Variants in UACA observed in about 807,000 individuals in gnomAD.
The protein encoded by UACA is nuclear membrane binding protein.
In UACA, 112 loss-of-function variants were observed where a neutral mutation model predicts 160.5. That is an observed-to-expected ratio of 0.70 (90% CI 0.60 to 0.82). The LOEUF (loss-of-function observed/expected upper bound fraction) is 0.82, where lower values mean the gene tolerates loss of function less well. UACA is among the 40% of genes least tolerant of loss of function. The pLI is 0.00. For synonymous variants in UACA, 557 were observed against 568.4 expected (o/e 0.98, Z 0.29); for missense variants, 1,574 against 1,614.6 (o/e 0.97, Z 0.43).
At chr15:70,676,967 A>G in intron 12 of UACA, 141 bp downstream of exon 12, 1 of 633,232 alleles carries the variant, frequency 1.6e-6, no homozygotes, top group Non-Finnish European at 2.7e-6. Flanking sequence ...TTTTTTAGTC[A>G]TCTATAGATT....
upstream of UACA, among the ~76,000 whole-genome samples, chr15:70,764,537 C>G (rs1040470838): frequency 1.1e-4 from 16 of 152,172 alleles, no homozygotes; most frequent in African/African-American, 3.9e-4. Flanking sequence ...TTTGAAAAGA[C>G]AAACGGTCCA....
At chr15:70,719,700 A>G (rs1354792428) in intron 1 of UACA, among the ~76,000 whole-genome samples, 1 of 152,202 alleles carries the variant, frequency 6.6e-6, no homozygotes, top group Admixed American at 6.5e-5. Context: ...TCCCTGACCA[A>G]GAAGAGCATA....
intron 1 of UACA, among the ~76,000 whole-genome samples, chr15:70,735,211 G>A (rs936643068): frequency 1.4e-5 from 2 of 145,294 alleles, no homozygotes; most frequent in African/African-American, 5.0e-5. Flanking sequence ...ACAGAGGGAT[G>A]GGGGGAAGGG....
At chr15:70,737,791 T>G (rs1166473800) in intron 1 of UACA, among the ~76,000 whole-genome samples, 1 of 152,232 alleles carries the variant, frequency 6.6e-6, no homozygotes, top group African/African-American at 2.4e-5. Flanking sequence ...TTGCTATATA[T>G]TAGACATTTG....
intron 12 of UACA, 25 bp from the exon 13 acceptor site, chr15:70,676,616 G>A (rs751960452): frequency 1.3e-6 from 2 of 1,567,784 alleles, no homozygotes; most frequent in Non-Finnish European, 1.8e-6. Context: ...AATAAATACA[G>A]TAAAATCACC....
chr15:70,778,088 C>T, the UACA span, among the ~76,000 whole-genome samples: 1 of 152,070 alleles, frequency 6.6e-6, no homozygotes. Flanking sequence ...ATAGTCCCAG[C>T]TACCCAGGAG....
chr15:70,698,382 T>C lies in UACA; in HGVS notation c.212+1145A>G, dbSNP rs548987012. ...AGAAACATGAAGAACAATATCACTT[T>C]TGGATATTAAATTTTCACAATTTAT... On this transcript the variant is annotated intron_variant, in intron 2 of 18. Coordinates refer to ENST00000322954, the MANE Select transcript of UACA (RefSeq NM_018003.4). 2.6e-5 allele frequency among the ~76,000 whole-genome samples: 4 copies of C among 152,326 alleles called. No individual in the cohort carries two copies. The East Asian group carries it at 5.8e-4, about 22-fold the overall frequency.
At chr15:70,764,035 G>C (rs1397691661), upstream of UACA, among the ~76,000 whole-genome samples, 1 of 152,180 alleles carries the variant, frequency 6.6e-6, no homozygotes, top group Middle Eastern at 3.2e-3. Flanking sequence ...ACCACCACAC[G>C]CATCAAAAAT....
At chr15:70,751,196 C>A (rs1223917530) in intron 1 of UACA, among the ~76,000 whole-genome samples, 1 of 152,168 alleles carries the variant, frequency 6.6e-6, no homozygotes, top group African/African-American at 2.4e-5. Context: ...GGAGCTCCCC[C>A]ACAAAACTAT....
intron 1 of UACA, among the ~76,000 whole-genome samples, chr15:70,730,009 G>A (rs1473879494): frequency 4.3e-4 from 34 of 78,308 alleles, no homozygotes; most frequent in African/African-American, 2.3e-3. Context: ...CATCATCAAA[G>A]ACCAAAAGTA....
the UACA span, among the ~76,000 whole-genome samples, chr15:70,770,114 A>G: frequency 2.0e-5 from 3 of 152,384 alleles, no homozygotes; most frequent in Non-Finnish European, 4.4e-5. Flanking sequence ...TTGATTACCA[A>G]AAGAACCATT....
chr15:70,759,106 C>T (rs1177369106), intron 1 of UACA, among the ~76,000 whole-genome samples: 1 of 152,122 alleles, frequency 6.6e-6, no homozygotes, highest in Non-Finnish European at 1.5e-5. Flanking sequence ...AACTCCTGGG[C>T]TCAAGCAATC....
chr15:70,658,299 G>A (rs1896556813), intron 18 of UACA, among the ~76,000 whole-genome samples: 1 of 151,956 alleles, frequency 6.6e-6, no homozygotes, highest in African/African-American at 2.4e-5. Flanking sequence ...CCCTAACGAT[G>A]GACATTTAAG....
Position 70,667,894 on chromosome 15 carries a change from T to C in UACA, c.2790A>G (p.Ala930=). The change falls in exon 16 of 19, where the codon GCA becomes GCG. Residue 930 remains alanine, a synonymous_variant. Transcript: ENST00000322954. The part of the protein sequence containing the change: ...AEYISLAEHE[A]KMSSLSQSMR... ...TGCTCTGACTTAGCGAGCTCATCTT[T>C]GCCTCGTGCTCTGCCAGGCTGATGT... 4 of 1,614,070 alleles carry C rather than the reference T, an allele frequency of 2.5e-6. No homozygotes were observed. The highest frequency in any genetic ancestry group is 3.4e-6 in the Non-Finnish European group (4 of 1,179,988).
intron 10 of UACA, among the ~76,000 whole-genome samples, chr15:70,678,814 T>C (rs1048271712): frequency 2.6e-5 from 4 of 152,148 alleles, no homozygotes; most frequent in Non-Finnish European, 4.4e-5. Context: ...AGCCAAAAAG[T>C]ACTGTGTGGT....
At position 70,667,544 on chromosome 15, in the gene UACA, T is replaced by C; in HGVS notation, c.3140A>G (p.Lys1047Arg). 1 of 1,613,182 alleles carries C rather than the reference T, an allele frequency of 6.2e-7. No homozygotes were observed. Among genetic ancestry groups the C allele is most frequent in the Non-Finnish European group, 8.5e-7 (1 of 1,180,002 alleles). Residue 1047 changes from lysine (K) to arginine (R), a missense_variant, in exon 16 of 19, where the codon AAG becomes AGG. By Grantham distance (26) the Lys-to-Arg change is conservative. Transcript: ENST00000322954. ...IFTLQKDLRD[K>R]TVLIEKSHEM... is the part of the protein sequence containing the mutation. ...ATGAGACTTCTCAATGAGAACTGTC[T>C]TATCTCTCAAATCTTTCTGAAGGGT...
At chr15:70,761,685 TTAA>T (rs1289375332) in intron 1 of UACA, among the ~76,000 whole-genome samples, 1 of 152,236 alleles carries the variant, frequency 6.6e-6, no homozygotes, top group Non-Finnish European at 1.5e-5. Flanking sequence ...CATAAATAGG[TTAA>T]TATCATGTTT....
chr15:70,679,228 C>A (rs1017818974), intron 10 of UACA, among the ~76,000 whole-genome samples: 2 of 151,778 alleles, frequency 1.3e-5, no homozygotes, highest in African/African-American at 4.8e-5. Flanking sequence ...CATGGTGAAA[C>A]CCCGTCTCAA....
At chr15:70,754,638 A>G (rs1205151206) in intron 1 of UACA, among the ~76,000 whole-genome samples, 1 of 152,242 alleles carries the variant, frequency 6.6e-6, no homozygotes, top group Non-Finnish European at 1.5e-5. Flanking sequence ...TTGGTCACTC[A>G]GCTACATCAG....
Sources: gnomAD v4.1 joint callset for allele counts (sites outside exome capture counted in the v4.1 genomes callset) on GRCh38, gnomAD v4.1.1 for gene constraint, MANE v1.5 for transcripts, NCBI Gene and HGNC (gene_info 2026-07-23, HGNC 2026-07-21) for gene names.